UNK: variants seen among roughly 807,000 people sequenced by gnomAD.
UNK encodes the protein unk zinc finger.
UNK carries 32 observed loss-of-function variants against 97.6 expected under a neutral mutation model. That is an observed-to-expected ratio of 0.33 (90% CI 0.25 to 0.44). The LOEUF is 0.44. UNK is among the 20% of genes least tolerant of loss of function. The probability of loss-of-function intolerance (pLI) is 1.00; values close to 1 mark genes in which losing one functional copy is unlikely to be tolerated. For synonymous variants in UNK, 441 were observed against 461.2 expected, an observed-to-expected ratio of 0.96 and a Z score of 0.56; for missense variants, 771 against 1,098.4, an observed-to-expected ratio of 0.70 and a Z score of 4.21.
At chr17:75,801,792 C>G (rs1162521922) in intron 1 of UNK, among the ~76,000 whole-genome samples, 2 of 151,258 alleles carry the variant, frequency 1.3e-5, no homozygotes, top group African/African-American at 4.9e-5. Flanking sequence ...ATCCACCCGT[C>G]TCAGCCTCGC....
At chr17:75,804,081 C>A (rs2061888294) in intron 1 of UNK, among the ~76,000 whole-genome samples, 2 of 152,218 alleles carry the variant, frequency 1.3e-5, no homozygotes, top group Non-Finnish European at 1.5e-5. Flanking sequence ...TCCATTCCTA[C>A]ACACATGTTC....
Position 75,817,307 on chromosome 17 carries a change from C to G in UNK, c.1105-19C>G, listed in dbSNP as rs2143806507. On this transcript the variant is annotated intron_variant, in intron 8 of 15. Coordinates refer to ENST00000589666, the MANE Select transcript of UNK (RefSeq NM_001080419.3). This position sits in a 1 kb window ranked among gnomAD's most constrained non-coding sequence, Gnocchi z 5.8. ...TGCGCTGTGCCCACGGGCCCACTCC[C>G]TCCCCTCCTTCTCCGCAGCTCCTCT... The G allele has an allele frequency of 6.4e-7, 1 of 1,552,914 alleles. No homozygotes were observed. Among genetic ancestry groups the G allele is most frequent in the East Asian group, 2.3e-5 (1 of 44,068 alleles).
chr17:75,807,512 A>G (rs983073881), intron 1 of UNK, among the ~76,000 whole-genome samples: 1 of 152,182 alleles, frequency 6.6e-6, no homozygotes, highest in Non-Finnish European at 1.5e-5. Context: ...CTGGAGTGCA[A>G]TGGCACGATC....
chr17:75,815,384 C>A, intron 7 of UNK, 131 bp downstream of exon 7: 1 of 797,492 alleles, frequency 1.3e-6, no homozygotes, highest in Non-Finnish European at 1.9e-6. Flanking sequence ...CAGCAGCAGG[C>A]CTTGTCCCCA....
In UNK at chr17:75,823,300, T is replaced by C. The variant is rs1413310704; in HGVS notation, c.2055T>C (p.Ala685=). 2 of 1,607,678 alleles carry C rather than the reference T, an allele frequency of 1.2e-6. No individual in the cohort carries two copies. The highest frequency in any genetic ancestry group is 1.1e-5 in the South Asian group (1 of 90,820). The change falls in exon 15 of 16, where the codon GCT becomes GCC. Residue 685 remains alanine (A), a synonymous_variant. Coordinates refer to ENST00000589666, the MANE Select transcript of UNK (RefSeq NM_001080419.3). ...CCTGGAAGAAAGAGGCGGAGGAGGC[T>C]GGTGAGCGGGCCAGTGCGGCGGGCG... ...CDAWKKEAEE[A]GERASAAGAE...
chr17:75,813,720 C>A, intron 5 of UNK, 41 bp from the exon 6 acceptor site: 1 of 1,526,832 alleles, frequency 6.5e-7, no homozygotes, highest in Admixed American at 2.0e-5. Context: ...CCGATCTCAC[C>A]TTCTCCTTTC....
At chr17:75,814,082 C>T (rs1274942284) in intron 6 of UNK, among the ~76,000 whole-genome samples, 4 of 152,208 alleles carry the variant, frequency 2.6e-5, no homozygotes, top group African/African-American at 9.6e-5. Flanking sequence ...GCTCACCAAG[C>T]AGCCCTCTGC....
intron 1 of UNK, chr17:75,794,130 G>T: frequency 6.1e-6 from 6 of 978,444 alleles, no homozygotes; most frequent in Non-Finnish European, 6.1e-6. Flanking sequence ...TTTTACTATT[G>T]AAGTAAGAGT....
intron 1 of UNK, among the ~76,000 whole-genome samples, chr17:75,794,442 G>A (rs1282237937): frequency 6.6e-6 from 1 of 152,032 alleles, no homozygotes; most frequent in Non-Finnish European, 1.5e-5. Flanking sequence ...CTCGAGACCA[G>A]CCTGGCCAAC....
chr17:75,810,124 C>T (rs1029333768), intron 2 of UNK, among the ~76,000 whole-genome samples, 155 bp downstream of exon 2: 2 of 152,250 alleles, frequency 1.3e-5, no homozygotes, highest in Non-Finnish European at 2.9e-5. Flanking sequence ...CCATCCCTGG[C>T]GGTAGGCTGC....
chr17:75,822,803 C>G (rs954197435), intron 14 of UNK, 145 bp downstream of exon 14: 6 of 1,086,824 alleles, frequency 5.5e-6, no homozygotes, highest in Non-Finnish European at 6.3e-6. Context: ...TCGCTCTCCC[C>G]CTGGGAGGAC....
rs2061995250 is a variant in UNK at position 75,814,108 on chromosome 17, C to T, written c.876+230C>T. 4.6e-5 allele frequency among the ~76,000 whole-genome samples: 7 copies of T among 152,274 alleles called. No individual in the cohort carries two copies. In the South Asian group the frequency reaches 1.5e-3, roughly 32 times the overall value. Reference sequence around the variant, plus strand: ...AGCCCTCTGCTTCCAGTTCTGTGTCCCCCAGGCCTCCTGACAGGGCAGGTG... The same window carrying T: ...AGCCCTCTGCTTCCAGTTCTGTGTCTCCCAGGCCTCCTGACAGGGCAGGTG... On this transcript the variant is annotated intron_variant, in intron 6 of 15. Transcript: ENST00000589666.
In UNK at chr17:75,824,429, T is replaced by A; in HGVS notation, c.*12T>A. 1 of 1,455,586 alleles carries A rather than the reference T, an allele frequency of 6.9e-7. No individual in the cohort carries two copies. The highest frequency in any genetic ancestry group is 1.3e-5 in the South Asian group (1 of 74,952). 90.2% of individuals were successfully genotyped at this position (1,455,586 alleles called of 1,614,324 possible). ...CCCTCCAGTCGTGACCCTGCAGGCC[T>A]GGCCCAGCCTGGCCCAGATCTTCTC... is the stretch of plus-strand genomic sequence containing the variant. On this transcript the variant is annotated 3_prime_UTR_variant, in exon 16 of 16. Coordinates refer to ENST00000589666, the MANE Select transcript of UNK (RefSeq NM_001080419.3). This position sits in a 1 kb window ranked among gnomAD's most constrained non-coding sequence, Gnocchi z 4.9.
chr17:75,822,033 G>A (rs2062073788), intron 13 of UNK, among the ~76,000 whole-genome samples: 1 of 152,244 alleles, frequency 6.6e-6, no homozygotes, highest in African/African-American at 2.4e-5. Flanking sequence ...GCCATCCGAT[G>A]AGGCTCTGGC....
intron 1 of UNK, chr17:75,792,236 G>A: frequency 1.1e-6 from 1 of 951,944 alleles, no homozygotes. Flanking sequence ...CTGGTCTAGT[G>A]ATTATTTTCC....
Position 75,812,439 on chromosome 17 carries a change from T to C in UNK, c.492-16T>C. 6.2e-7 allele frequency: 1 copy of C among 1,608,316 alleles called. No homozygotes were observed. The highest frequency in any genetic ancestry group is 1.3e-5 in the African/African-American group (1 of 74,896). On this transcript the variant is annotated splice_polypyrimidine_tract_variant and intron_variant, in intron 3 of 15. Coordinates refer to ENST00000589666, the MANE Select transcript of UNK (RefSeq NM_001080419.3). ...TGCCCCCTCTCCACCCTCTCTGTTC[T>C]TTCCTCTCCTCCCAGGGAGCTTCAG... is the stretch of plus-strand genomic sequence containing the variant.
intron 1 of UNK, among the ~76,000 whole-genome samples, chr17:75,809,344 C>T (rs1255498482): frequency 6.6e-6 from 1 of 152,252 alleles, no homozygotes; most frequent in Non-Finnish European, 1.5e-5. Flanking sequence ...GCAAGGCCTG[C>T]AACAACAGGC....
At chr17:75,820,854 T>C (rs549329583) in intron 13 of UNK, among the ~76,000 whole-genome samples, 8 of 152,216 alleles carry the variant, frequency 5.3e-5, no homozygotes, top group African/African-American at 1.4e-4. Context: ...AGCATTTTGC[T>C]CGGGCCCAGG....
intron 1 of UNK, among the ~76,000 whole-genome samples, chr17:75,806,777 A>T (rs1567801608): frequency 6.6e-6 from 1 of 152,208 alleles, no homozygotes. Context: ...CGTCTCAAAA[A>T]AATAATAATA....
Sources: allele counts gnomAD v4.1 joint callset (sites outside exome capture counted in the v4.1 genomes callset), GRCh38; gene constraint gnomAD v4.1.1; non-coding constraint Gnocchi (gnomAD v3.1); transcripts MANE v1.5; gene names NCBI Gene and HGNC (gene_info 2026-07-23, HGNC 2026-07-21).